The following TMEM178B variants were observed in gnomAD, a reference collection of about 807,000 sequenced individuals.
TMEM178B encodes the protein transmembrane protein 178B.
TMEM178B carries 5 observed loss-of-function variants against 31.0 expected under a neutral mutation model. That is an observed-to-expected ratio of 0.16 (90% CI 0.08 to 0.34). TMEM178B has a LOEUF of 0.34. TMEM178B is among the 10% of genes least tolerant of loss of function. The probability of loss-of-function intolerance (pLI) is 1.00; values close to 1 mark genes in which losing one functional copy is unlikely to be tolerated. For synonymous variants in TMEM178B, 164 were observed against 164.0 expected (o/e 1.00, Z 0.00); for missense variants, 275 against 400.3 (o/e 0.69, Z 2.67).
At chr7:141,184,610 T>C (rs1444802660) in intron 1 of TMEM178B, among the ~76,000 whole-genome samples, 1 of 152,204 alleles carries the variant, frequency 6.6e-6, no homozygotes, top group African/African-American at 2.4e-5. Flanking sequence ...TGTGGCAATG[T>C]CTTGTGGGGA....
the TMEM178B span, among the ~76,000 whole-genome samples, chr7:141,506,690 A>G: frequency 1.3e-5 from 2 of 152,108 alleles, no homozygotes; most frequent in Non-Finnish European, 2.9e-5. Flanking sequence ...ATGTCCTCAC[A>G]TTTCAAAACC....
chr7:141,387,417 T>C (rs189393064), intron 2 of TMEM178B, among the ~76,000 whole-genome samples: 1 of 152,296 alleles, frequency 6.6e-6, no homozygotes, highest in East Asian at 1.9e-4. Context: ...CATAATTTAT[T>C]ATAGTCAGAG....
intron 1 of TMEM178B, among the ~76,000 whole-genome samples, chr7:141,175,294 G>A (rs1244297648): frequency 6.6e-6 from 1 of 152,132 alleles, no homozygotes; most frequent in Non-Finnish European, 1.5e-5. Flanking sequence ...TTATTTCTGA[G>A]GCCTCTGTTC....
rs1301878699 is a variant in TMEM178B at position 141,074,379 on chromosome 7, C to A, written c.69C>A (p.Ala23=). Residue 23 remains alanine (A), a synonymous_variant, in exon 1 of 4, where the codon GCC becomes GCA. Coordinates refer to ENST00000565468, the MANE Select transcript of TMEM178B (RefSeq NM_001195278.2). The surrounding 1 kb of genome is among the most constrained non-coding windows in gnomAD (Gnocchi z 5.1). ...CGCTCTGCGCCCTCGGCATGCTGGCCGTGGCCATCTGCTCGGACCACTGGT... is the reference window on the plus strand; with the variant it reads ...CGCTCTGCGCCCTCGGCATGCTGGCAGTGGCCATCTGCTCGGACCACTGGT... ...SLALCALGML[A]VAICSDHWYE... The A allele has an allele frequency of 6.5e-7, 1 of 1,536,028 alleles. No individual in the cohort carries two copies. The highest frequency in any genetic ancestry group is 8.7e-7 in the Non-Finnish European group (1 of 1,146,882).
At chr7:141,230,275 T>C (rs1797420584) in intron 2 of TMEM178B, among the ~76,000 whole-genome samples, 1 of 152,228 alleles carries the variant, frequency 6.6e-6, no homozygotes, top group African/African-American at 2.4e-5. Flanking sequence ...AGGTTCTTGA[T>C]ATATAATGCC....
intron 1 of TMEM178B, among the ~76,000 whole-genome samples, chr7:141,173,391 CAAAA>C (rs1211951591): frequency 1.3e-4 from 20 of 152,210 alleles, no homozygotes; most frequent in African/African-American, 4.8e-4. Context: ...CAATAATATA[CAAAA>C]TGTTATGGAA....
chr7:141,408,333 T>G (rs764450549), intron 2 of TMEM178B, among the ~76,000 whole-genome samples: 5 of 152,200 alleles, frequency 3.3e-5, no homozygotes, highest in Non-Finnish European at 5.9e-5. Context: ...GATCCTTTCA[T>G]CCCACGTGTG....
intron 1 of TMEM178B, among the ~76,000 whole-genome samples, chr7:141,113,566 C>G (rs1274631296): frequency 2.0e-5 from 3 of 152,184 alleles, no homozygotes; most frequent in Non-Finnish European, 4.4e-5. Flanking sequence ...CACCTCAACA[C>G]CCCATCCTTT....
chr7:141,259,119 A>G (rs922789026), intron 2 of TMEM178B, among the ~76,000 whole-genome samples: 1 of 152,070 alleles, frequency 6.6e-6, no homozygotes, highest in Admixed American at 6.6e-5. Flanking sequence ...GTATCCCACT[A>G]TTCTCTGAGA....
intron 1 of TMEM178B, among the ~76,000 whole-genome samples, chr7:141,199,778 G>C (rs570834240): frequency 6.6e-6 from 1 of 152,136 alleles, no homozygotes. Flanking sequence ...TTGGCAGGGC[G>C]CAGTGGCTCA....
chr7:141,336,964 TACC>T (rs1222490787), intron 2 of TMEM178B, among the ~76,000 whole-genome samples: 450 of 18,186 alleles, frequency 0.025, 8 homozygotes, highest in Non-Finnish European at 0.032. Context: ...CCACCATCAC[TACC>T]ACCACCACCA....
chr7:141,156,274 G>C (rs192294915), intron 1 of TMEM178B, among the ~76,000 whole-genome samples: 52 of 152,236 alleles, frequency 3.4e-4, no homozygotes, highest in African/African-American at 1.2e-3. Context: ...GATGGCTTTG[G>C]AACTGGATCT....
chr7:141,162,738 G>T (rs1486071080), intron 1 of TMEM178B, among the ~76,000 whole-genome samples: 2 of 152,200 alleles, frequency 1.3e-5, no homozygotes, highest in Admixed American at 6.5e-5. Flanking sequence ...ATTTCAAGAG[G>T]TGGTATTGTG....
At chr7:141,075,821 T>A (rs1459836968) in intron 1 of TMEM178B, among the ~76,000 whole-genome samples, 2 of 152,270 alleles carry the variant, frequency 1.3e-5, no homozygotes, top group African/African-American at 4.8e-5. Flanking sequence ...CTCATTATAA[T>A]GCTGTGAGGT....
intron 1 of TMEM178B, among the ~76,000 whole-genome samples, chr7:141,076,786 A>G (rs1794606987): frequency 6.6e-6 from 1 of 152,204 alleles, no homozygotes; most frequent in Non-Finnish European, 1.5e-5. Context: ...TTGGCAGGGC[A>G]TTGTATTTCA....
Position 141,354,098 on chromosome 7 carries a change from C to T in TMEM178B, c.497-83510C>T, listed in dbSNP as rs562837946. On this transcript the variant is annotated intron_variant, in intron 2 of 3. Coordinates refer to ENST00000565468, the MANE Select transcript of TMEM178B (RefSeq NM_001195278.2). ...TTGCAAAGCAAATCTGAGAACTAGCCCAAATCCTTAGAGCAAGCTTTAAAG... is the reference window on the plus strand; with the variant it reads ...TTGCAAAGCAAATCTGAGAACTAGCTCAAATCCTTAGAGCAAGCTTTAAAG... Among the ~76,000 whole-genome samples the T allele has an allele frequency of 6.6e-5, 10 of 152,230 alleles. No individual in the cohort carries two copies. The East Asian group carries it at 1.9e-3, about 29-fold the overall frequency.
intron 2 of TMEM178B, among the ~76,000 whole-genome samples, chr7:141,307,446 G>A (rs1798833537): frequency 1.3e-5 from 2 of 152,300 alleles, no homozygotes; most frequent in African/African-American, 4.8e-5. Flanking sequence ...CCACTCACTT[G>A]CTGGGTCCCC....
Position 141,422,966 on chromosome 7 carries a change from C to T in TMEM178B, c.497-14642C>T, listed in dbSNP as rs1376070495. Among the ~76,000 whole-genome samples the T allele has an allele frequency of 6.6e-6, 1 of 152,186 alleles. No individual in the cohort carries two copies. Among genetic ancestry groups the T allele is most frequent in the Non-Finnish European group, 1.5e-5 (1 of 68,038 alleles). On this transcript the variant is annotated intron_variant, in intron 2 of 3. Coordinates refer to ENST00000565468, the MANE Select transcript of TMEM178B (RefSeq NM_001195278.2). The surrounding 1 kb of genome is among the most constrained non-coding windows in gnomAD (Gnocchi z 4.2). ...CTGTCCCATGGAAATATCGTGCAAA[C>T]CGCATGTGTAACTTAAAATGTTCTA...
chr7:141,485,617 C>T, the TMEM178B span, among the ~76,000 whole-genome samples: 4 of 152,314 alleles, frequency 2.6e-5, no homozygotes, highest in East Asian at 3.9e-4. Flanking sequence ...TGTGACTCTG[C>T]AGCTGCGTCT....
Sources: allele counts gnomAD v4.1 joint callset (sites outside exome capture counted in the v4.1 genomes callset), GRCh38; gene constraint gnomAD v4.1.1; non-coding constraint Gnocchi (gnomAD v3.1); transcripts MANE v1.5; gene names NCBI Gene and HGNC (gene_info 2026-07-23, HGNC 2026-07-21).